The following DCAF1 variants were observed in gnomAD, a reference collection of about 807,000 sequenced individuals.
DCAF1 encodes the protein DDB1- and CUL4-associated factor 1.
A neutral mutation model predicts 128.0 loss-of-function variants in DCAF1; 15 were observed. That is an observed-to-expected ratio of 0.12 (90% CI 0.08 to 0.18). DCAF1 has a LOEUF of 0.18. Among genes scored for constraint, DCAF1 ranks in the 10% least tolerant of loss-of-function variants. The pLI is 1.00. For synonymous variants in DCAF1, 610 were observed against 603.0 expected (o/e 1.01, Z -0.17); for missense variants, 988 against 1,649.5 (o/e 0.60, Z 6.95).
chr3:51,439,442 A>ATTTTTTTTTTTT (rs1191716094), intron 9 of DCAF1, among the ~76,000 whole-genome samples: 11 of 128,406 alleles, frequency 8.6e-5, no homozygotes, highest in Middle Eastern at 4.0e-3. Context: ...TGCTATTTCT[A>ATTTTTTTTTTTT]TTTTTTTTTT....
At chr3:51,493,456 A>G (rs1001190995) in intron 2 of DCAF1, among the ~76,000 whole-genome samples, 15 of 152,014 alleles carry the variant, frequency 9.9e-5, no homozygotes, top group African/African-American at 2.7e-4. Context: ...AGGGGAAAAA[A>G]AAAAGGAATT....
intron 24 of DCAF1, 139 bp from the exon 25 acceptor site, chr3:51,398,966 T>C: frequency 9.2e-7 from 1 of 1,089,094 alleles, no homozygotes; most frequent in Non-Finnish European, 1.3e-6. Context: ...AACACATCAA[T>C]TAACTCCTTG....
upstream of DCAF1, among the ~76,000 whole-genome samples, chr3:51,500,592 G>A (rs1455815255): frequency 1.3e-5 from 2 of 152,156 alleles, no homozygotes; most frequent in Non-Finnish European, 2.9e-5. Context: ...CCAGGCTGGA[G>A]TGCAGTGACG....
chr3:51,483,624 T>TGTGTGC (rs1160182666), intron 3 of DCAF1, 95 bp downstream of exon 3: 5 of 802,426 alleles, frequency 6.2e-6, no homozygotes, highest in Non-Finnish European at 1.1e-5. Flanking sequence ...TGTGTGTGTG[T>TGTGTGC]GTGTGTGTGT....
chr3:51,458,134 T>G (rs550494830), intron 6 of DCAF1, among the ~76,000 whole-genome samples: 1 of 151,854 alleles, frequency 6.6e-6, no homozygotes, highest in East Asian at 1.9e-4. Flanking sequence ...GGATAAAGAG[T>G]CAAGACCCAT....
intron 3 of DCAF1, among the ~76,000 whole-genome samples, chr3:51,477,593 CTCCAG>C (rs1553651093): frequency 6.6e-5 from 10 of 151,974 alleles, no homozygotes; most frequent in Non-Finnish European, 1.3e-4. Flanking sequence ...CAACACTGTA[CTCCAG>C]CCTTGGGGGG....
At position 51,398,774 on chromosome 3, in the gene DCAF1, C is replaced by A; in HGVS notation, c.4519G>T (p.Glu1507Ter). ...TTCCAAGCAGTGATGGCTCCTCACTCATTCAGAGATAAGATGATGTCATCT... is the reference window on the plus strand; with the variant it reads ...TTCCAAGCAGTGATGGCTCCTCACTAATTCAGAGATAAGATGATGTCATCT... Reference protein sequence around the residue: ...LEDDIILSLNE With the variant: ...LEDDIILSLN The change falls in exon 25 of 25, where the codon GAG becomes TAG. Residue 1507 changes from glutamate (E) to a stop codon, truncating the protein, a stop_gained. Transcript: ENST00000684031. LOFTEE classifies it high-confidence loss of function. 1 of 1,589,798 alleles carries A rather than the reference C, an allele frequency of 6.3e-7. No individual in the cohort carries two copies. Among genetic ancestry groups the A allele is most frequent in the African/African-American group, 1.3e-5 (1 of 74,666 alleles).
chr3:51,483,800 G>A lies in DCAF1; in HGVS notation c.29C>T (p.Ser10Phe). 6.2e-7 allele frequency: 1 copy of A among 1,613,808 alleles called. No individual in the cohort carries two copies. Among genetic ancestry groups the A allele is most frequent in the East Asian group, 2.2e-5 (1 of 44,872 alleles). Residue 10 changes from serine to phenylalanine, a missense_variant, in exon 3 of 25, where the codon TCC becomes TTC. Transcript: ENST00000684031. Reference protein sequence around the residue: MTTVVVHVDSKAELTTLLEQ... With the variant: MTTVVVHVDFKAELTTLLEQ... ...CAGCAGGGTAGTGAGCTCAGCTTTG[G>A]AGTCCACATGTACCACTACTGTAGT...
At chr3:51,430,440 A>C (rs577721619) in intron 10 of DCAF1, among the ~76,000 whole-genome samples, 8 of 152,188 alleles carry the variant, frequency 5.3e-5, no homozygotes, top group Non-Finnish European at 2.9e-5. Context: ...TACAACCTAT[A>C]CTTACTGAGT....
chr3:51,460,424 TG>T (rs1703412991), intron 6 of DCAF1, among the ~76,000 whole-genome samples: 2 of 152,170 alleles, frequency 1.3e-5, no homozygotes. Flanking sequence ...TACAAACAAA[TG>T]GAAGAACGTT....
chr3:51,443,724 T>G, intron 7 of DCAF1, 42 bp downstream of exon 7: 1 of 1,541,506 alleles, frequency 6.5e-7, no homozygotes, highest in South Asian at 1.3e-5. Context: ...CTGTGAATAC[T>G]CTCCCATTTT....
At chr3:51,412,557 G>A (rs1242907338) in intron 22 of DCAF1, 77 bp from the exon 23 acceptor site, 2 of 1,595,822 alleles carry the variant, frequency 1.3e-6, no homozygotes, top group Non-Finnish European at 1.7e-6. Flanking sequence ...CCTGACTGGT[G>A]CCCATGACCT....
intron 2 of DCAF1, among the ~76,000 whole-genome samples, chr3:51,488,778 A>G (rs1707275853): frequency 6.6e-6 from 1 of 151,706 alleles, no homozygotes; most frequent in Non-Finnish European, 1.5e-5. Flanking sequence ...ACTCCAGCCT[A>G]GGTGACAGAG....
At chr3:51,499,386 T>C (rs1272231702) in intron 1 of DCAF1, among the ~76,000 whole-genome samples, 1 of 151,328 alleles carries the variant, frequency 6.6e-6, no homozygotes, top group Non-Finnish European at 1.5e-5. Context: ...CAGGGAGAGG[T>C]GGCACGAGGC....
rs1465096243 is a variant in DCAF1, at chr3:51,413,189, A to G, written c.4036+93T>C. 4 of 1,542,972 alleles carry G rather than the reference A, an allele frequency of 2.6e-6. No homozygotes were observed. The African/African-American group carries it at 4.1e-5, about 16-fold the overall frequency. ...ATTTCCATAACTTCTCTGTTTTTCA[A>G]TAAAAAATTACAGGCCTCCAGAAAA... On this transcript the variant is annotated intron_variant, in intron 21 of 24. Coordinates refer to ENST00000684031, the MANE Select transcript of DCAF1 (RefSeq NM_001387579.1).
chr3:51,462,268 A>G (rs1364976786), intron 6 of DCAF1, among the ~76,000 whole-genome samples: 2 of 151,840 alleles, frequency 1.3e-5, no homozygotes, highest in Non-Finnish European at 2.9e-5. Context: ...CTAAAAATAC[A>G]AAAATTAGCC....
intron 6 of DCAF1, among the ~76,000 whole-genome samples, chr3:51,445,770 T>C (rs1402119770): frequency 1.3e-5 from 2 of 152,210 alleles, no homozygotes; most frequent in African/African-American, 2.4e-5. Flanking sequence ...ACAATTCACA[T>C]TTCCACCAAT....
upstream of DCAF1, among the ~76,000 whole-genome samples, chr3:51,502,367 C>G (rs1708841049): frequency 6.6e-6 from 1 of 152,056 alleles, no homozygotes; most frequent in Non-Finnish European, 1.5e-5. Context: ...ACACCCCCAC[C>G]CTCACCCTTG....
chr3:51,475,723 C>T (rs1219624031), intron 3 of DCAF1, among the ~76,000 whole-genome samples: 3 of 152,058 alleles, frequency 2.0e-5, no homozygotes, highest in South Asian at 2.1e-4. Flanking sequence ...TAGCCGGGCA[C>T]GGTGGCAGGC....
Sources: allele counts gnomAD v4.1 joint callset (sites outside exome capture counted in the v4.1 genomes callset), GRCh38; gene constraint gnomAD v4.1.1; transcripts MANE v1.5; gene names NCBI Gene and HGNC (gene_info 2026-07-23, HGNC 2026-07-21).